FAM117B: variants seen among roughly 807,000 people sequenced by gnomAD.
FAM117B encodes the protein protein FAM117B.
Under a neutral mutation model 52.8 loss-of-function variants are expected in FAM117B, and 22 were observed. The observed-to-expected ratio is 0.42, with a 90% confidence interval of 0.30 to 0.59. The LOEUF is 0.59. FAM117B is among the 20% of genes least tolerant of loss of function. The pLI, the probability that FAM117B is intolerant of heterozygous loss-of-function variation, is 0.22. For missense variants in FAM117B, 678 were observed against 802.6 expected, an observed-to-expected ratio of 0.84 and a Z score of 1.88; for synonymous variants, 309 against 324.1, an observed-to-expected ratio of 0.95 and a Z score of 0.50.
intron 4 of FAM117B, among the ~76,000 whole-genome samples, chr2:202,739,657 G>T (rs1162609769): frequency 6.6e-6 from 1 of 152,014 alleles, no homozygotes; most frequent in Non-Finnish European, 1.5e-5. Context: ...GGGTCTCCCT[G>T]TGTTGCCCAG....
At chr2:202,719,964 A>C (rs1016125027) in intron 2 of FAM117B, among the ~76,000 whole-genome samples, 9 of 152,112 alleles carry the variant, frequency 5.9e-5, no homozygotes, top group African/African-American at 1.9e-4. Flanking sequence ...TATGTGATGT[A>C]TGTTCCTTTC....
chr2:202,728,748 A>G (rs1034440190), intron 4 of FAM117B, among the ~76,000 whole-genome samples: 2 of 152,224 alleles, frequency 1.3e-5, no homozygotes, highest in African/African-American at 4.8e-5. Context: ...AAAACCAACA[A>G]TTTTAAAGTG....
intron 1 of FAM117B, among the ~76,000 whole-genome samples, chr2:202,673,745 G>A (rs1402775207): frequency 6.6e-6 from 1 of 152,032 alleles, no homozygotes; most frequent in Non-Finnish European, 1.5e-5. Context: ...ACTGTGCCCG[G>A]CCTACCCTAT....
intron 1 of FAM117B, among the ~76,000 whole-genome samples, chr2:202,645,875 G>A (rs964074463): frequency 6.6e-6 from 1 of 152,084 alleles, no homozygotes; most frequent in African/African-American, 2.4e-5. Context: ...CAAATGCTGG[G>A]ATTACAGGAG....
chr2:202,641,519 G>C (rs1188535499), intron 1 of FAM117B, among the ~76,000 whole-genome samples: 1 of 152,086 alleles, frequency 6.6e-6, no homozygotes, highest in Non-Finnish European at 1.5e-5. Flanking sequence ...CTTTAGGCAA[G>C]TTCACTTTAC....
intron 3 of FAM117B, among the ~76,000 whole-genome samples, chr2:202,725,613 C>G (rs886462693): frequency 2.0e-5 from 3 of 152,204 alleles, no homozygotes; most frequent in Non-Finnish European, 4.4e-5. Context: ...GCCACCGCAC[C>G]TGGCCACATT....
At chr2:202,762,770 G>A (rs1023601092) in intron 7 of FAM117B, among the ~76,000 whole-genome samples, 3 of 151,790 alleles carry the variant, frequency 2.0e-5, no homozygotes, top group Admixed American at 6.6e-5. Flanking sequence ...TGGTGGGCTG[G>A]GGTAATGACA....
At chr2:202,691,152 C>T (rs1690615827) in intron 1 of FAM117B, among the ~76,000 whole-genome samples, 2 of 152,110 alleles carry the variant, frequency 1.3e-5, no homozygotes, top group East Asian at 1.9e-4. Context: ...TGGTGGCTCA[C>T]GTCTGTAATC....
chr2:202,765,359 T>C, intron 7 of FAM117B, 87 bp from the exon 8 acceptor site: 8 of 1,291,672 alleles, frequency 6.2e-6, no homozygotes, highest in Non-Finnish European at 7.5e-6. Context: ...TTTTAAAAAA[T>C]AAAAGAGCTT....
At chr2:202,728,988 G>A (rs1428368915) in intron 4 of FAM117B, among the ~76,000 whole-genome samples, 3 of 152,138 alleles carry the variant, frequency 2.0e-5, no homozygotes, top group South Asian at 4.1e-4. Flanking sequence ...TCAGCCAACC[G>A]CAAGTCAGGC....
intron 1 of FAM117B, among the ~76,000 whole-genome samples, chr2:202,662,399 G>GAGGGGAC (rs1690143742): frequency 1.3e-5 from 2 of 152,124 alleles, no homozygotes; most frequent in Non-Finnish European, 2.9e-5. Flanking sequence ...GATAGAGGAG[G>GAGGGGAC]AGGGGACTGG....
intron 1 of FAM117B, among the ~76,000 whole-genome samples, chr2:202,691,258 G>A (rs896478489): frequency 1.3e-5 from 2 of 152,016 alleles, no homozygotes; most frequent in Non-Finnish European, 1.5e-5. Context: ...TCTACTAAAA[G>A]TATAAAAATG....
chr2:202,738,088 A>T (rs1691469757), intron 4 of FAM117B, among the ~76,000 whole-genome samples: 1 of 152,106 alleles, frequency 6.6e-6, no homozygotes, highest in African/African-American at 2.4e-5. Context: ...TATTCAAATC[A>T]TTTGCCTATT....
Position 202,766,061 on chromosome 2 carries a change from AAC to A in FAM117B, c.*342_*343del, listed in dbSNP as rs34556556. 0.17 allele frequency: 34,028 copies of A among 202,564 alleles called. 3,526 individuals are homozygous for A. Among genetic ancestry groups the A allele is most frequent in the East Asian group, 0.26 (1,775 of 6,952 alleles). The allele number at this position is 202,564 out of a possible 1,614,324, so 12.5% of individuals were successfully genotyped here. ...TTGTTTTCGAATTAGACTTCTTTAA[AAC>A]ACACACACACACACACACACACACA... On this transcript the variant is annotated 3_prime_UTR_variant, in exon 8 of 8. Transcript: ENST00000392238.
intron 2 of FAM117B, among the ~76,000 whole-genome samples, chr2:202,711,188 G>C (rs978881328): frequency 6.1e-4 from 92 of 152,034 alleles, no homozygotes; most frequent in African/African-American, 2.1e-3. Context: ...AGTGTATGAG[G>C]GTTCCTTTTT....
intron 4 of FAM117B, among the ~76,000 whole-genome samples, chr2:202,749,386 A>G (rs922715976): frequency 6.6e-6 from 1 of 151,420 alleles, no homozygotes; most frequent in African/African-American, 2.4e-5. Context: ...AACTATAAAA[A>G]TGATTTGGTT....
intron 2 of FAM117B, among the ~76,000 whole-genome samples, chr2:202,724,051 C>CTTTTTTTTTT (rs34063266): frequency 3.3e-5 from 3 of 89,794 alleles, no homozygotes; most frequent in African/African-American, 4.6e-5. Flanking sequence ...TAAGGTTTAA[C>CTTTTTTTTTT]TTTTTTTTTT....
intron 1 of FAM117B, among the ~76,000 whole-genome samples, chr2:202,691,176 A>C (rs1690616057): frequency 6.6e-6 from 1 of 152,122 alleles, no homozygotes; most frequent in Admixed American, 6.5e-5. Flanking sequence ...GCACTTTGGG[A>C]GGCCAAGGTG....
At chr2:202,675,297 T>A (rs1690361079) in intron 1 of FAM117B, among the ~76,000 whole-genome samples, 1 of 151,218 alleles carries the variant, frequency 6.6e-6, no homozygotes, top group South Asian at 2.1e-4. Context: ...AATACAAAAA[T>A]TAGCCGGGTG....
Sources: gnomAD v4.1 joint callset for allele counts (sites outside exome capture counted in the v4.1 genomes callset) on GRCh38, gnomAD v4.1.1 for gene constraint, MANE v1.5 for transcripts, NCBI Gene and HGNC (gene_info 2026-07-23, HGNC 2026-07-21) for gene names.